The following RAP1GAP2 variants were observed in gnomAD, a reference collection of about 807,000 sequenced individuals.
RAP1GAP2 encodes the protein rap1 GTPase-activating protein 2.
Under a neutral mutation model 95.0 loss-of-function variants are expected in RAP1GAP2, and 27 were observed. That is an observed-to-expected ratio of 0.28 (90% CI 0.21 to 0.39). RAP1GAP2 has a LOEUF of 0.39. Among genes scored for constraint, RAP1GAP2 ranks in the 10% least tolerant of loss-of-function variants. RAP1GAP2 has a pLI of 1.00. For synonymous variants in RAP1GAP2, 373 were observed against 380.9 expected (o/e 0.98, Z 0.24); for missense variants, 771 against 970.0 (o/e 0.79, Z 2.72).
Position 2,963,202 on chromosome 17 carries a change from T to A in RAP1GAP2, c.247-228T>A. The A allele has an allele frequency of 1.6e-6, 1 of 614,996 alleles. No homozygotes were observed. The highest frequency in any genetic ancestry group is 2.8e-5 in the East Asian group (1 of 35,636). The allele number at this position is 614,996 out of a possible 1,614,324, so 38.1% of individuals were successfully genotyped here. On this transcript the variant is annotated intron_variant, in intron 5 of 24. Transcript: ENST00000254695. This position sits in a 1 kb window ranked among gnomAD's most constrained non-coding sequence, Gnocchi z 4.8. The stretch of plus-strand genomic sequence containing the variant: ...ACGAGGGGTGAGAAGTTCAGCACCT[T>A]CGGACACTGCATCATCAGCTGGCAG...
intron 2 of RAP1GAP2, among the ~76,000 whole-genome samples, chr17:2,880,804 A>G (rs1175846019): frequency 1.3e-5 from 2 of 152,124 alleles, no homozygotes; most frequent in African/African-American, 4.8e-5. Flanking sequence ...TTAGTGGTTC[A>G]ACATCCCTAC....
At chr17:2,819,727 C>T (rs1020875879) in intron 2 of RAP1GAP2, among the ~76,000 whole-genome samples, 3 of 151,966 alleles carry the variant, frequency 2.0e-5, no homozygotes, top group Non-Finnish European at 4.4e-5. Flanking sequence ...CTCGGCCTCC[C>T]AAAGTGCTGG....
intron 18 of RAP1GAP2, among the ~76,000 whole-genome samples, chr17:3,019,047 G>A (rs1412220837): frequency 1.3e-5 from 2 of 152,092 alleles, no homozygotes; most frequent in Non-Finnish European, 2.9e-5. Context: ...GGGTGACAGC[G>A]AGACTGTCTC....
chr17:2,836,891 ACT>A (rs941458713), intron 2 of RAP1GAP2, among the ~76,000 whole-genome samples: 40 of 152,046 alleles, frequency 2.6e-4, no homozygotes, highest in African/African-American at 8.7e-4. Flanking sequence ...TTTGGTGTTC[ACT>A]CTGTTTGGAC....
chr17:2,897,142 GC>G (rs2041859901), intron 2 of RAP1GAP2, among the ~76,000 whole-genome samples: 1 of 152,212 alleles, frequency 6.6e-6, no homozygotes, highest in African/African-American at 2.4e-5. Flanking sequence ...TTCGAGACCA[GC>G]CTGGCCAACA....
chr17:2,878,507 C>T (rs868032746), intron 2 of RAP1GAP2, among the ~76,000 whole-genome samples: 3 of 152,114 alleles, frequency 2.0e-5, no homozygotes, highest in Admixed American at 1.3e-4. Flanking sequence ...AGGTGCATCA[C>T]CTAGGCAAGG....
At chr17:2,962,944 G>T (rs564618883) in intron 5 of RAP1GAP2, 124 of 532,002 alleles carry the variant, frequency 2.3e-4, no homozygotes, top group African/African-American at 2.1e-3. Flanking sequence ...GGGGGTGGAG[G>T]CCTCGGTGGG....
intron 2 of RAP1GAP2, among the ~76,000 whole-genome samples, chr17:2,845,422 C>A (rs2071542359): frequency 6.6e-6 from 1 of 152,012 alleles, no homozygotes; most frequent in Non-Finnish European, 1.5e-5. Context: ...GGATTACAGG[C>A]ATGTAAATGC....
intron 1 of RAP1GAP2, among the ~76,000 whole-genome samples, chr17:2,764,136 A>T (rs2068234797): frequency 6.6e-6 from 1 of 152,222 alleles, no homozygotes; most frequent in Non-Finnish European, 1.5e-5. Flanking sequence ...TTACCTTTTA[A>T]AAAATATAAA....
chr17:2,933,187 C>T (rs2043210283), intron 3 of RAP1GAP2, among the ~76,000 whole-genome samples: 2 of 152,332 alleles, frequency 1.3e-5, no homozygotes, highest in East Asian at 1.9e-4. Flanking sequence ...AGTTGGAAAG[C>T]GCCTGGTGTA....
In RAP1GAP2 at chr17:2,867,102, T is replaced by C. The variant is rs999282711; in HGVS notation, c.81-38182T>C. 1.3e-5 allele frequency among the ~76,000 whole-genome samples: 2 copies of C among 150,382 alleles called. No homozygotes were observed. Among genetic ancestry groups the C allele is most frequent in the African/African-American group, 4.9e-5 (2 of 40,762 alleles). ...TTGTAGTAGAGACGGGGTTTCACCA[T>C]GTTGGCCAGGCTGGTCTCGAACTCC... On this transcript the variant is annotated intron_variant, in intron 2 of 24. Coordinates refer to ENST00000254695, the MANE Select transcript of RAP1GAP2 (RefSeq NM_015085.5). The surrounding 1 kb of genome is among the most constrained non-coding windows in gnomAD (Gnocchi z 4.5).
chr17:2,872,609 A>G (rs1324796820), intron 2 of RAP1GAP2, among the ~76,000 whole-genome samples: 1 of 151,780 alleles, frequency 6.6e-6, no homozygotes, highest in African/African-American at 2.4e-5. Context: ...CCTTTTCTTC[A>G]TGGCTTCCTT....
chr17:2,768,665 C>G (rs2068322685), intron 1 of RAP1GAP2, among the ~76,000 whole-genome samples: 1 of 135,916 alleles, frequency 7.4e-6, no homozygotes, highest in Non-Finnish European at 1.5e-5. Flanking sequence ...GCACTCTAGG[C>G]TGGGCAACAA....
chr17:2,813,697 C>T (rs558354160), intron 2 of RAP1GAP2, among the ~76,000 whole-genome samples: 1 of 152,192 alleles, frequency 6.6e-6, no homozygotes, highest in East Asian at 1.9e-4. Context: ...CATGGTGGCT[C>T]ACAAATCCCA....
In RAP1GAP2 at chr17:2,956,887, G is replaced by A. The variant is rs139467250; in HGVS notation, c.166-872G>A. Among the ~76,000 whole-genome samples the A allele has an allele frequency of 9.1e-3, 1,382 of 152,294 alleles. 13 individuals are homozygous for A. Among genetic ancestry groups the A allele is most frequent in the Non-Finnish European group, 0.012 (821 of 68,012 alleles). ...CTCACGCCTGTAATCCCAGCACTTT[G>A]GGAGGCCAAGGCGGGAGGATCACAA... On this transcript the variant is annotated intron_variant, in intron 3 of 24. Transcript: ENST00000254695.
At chr17:3,001,884 C>A (rs1041693839) in intron 14 of RAP1GAP2, among the ~76,000 whole-genome samples, 2 of 151,974 alleles carry the variant, frequency 1.3e-5, no homozygotes, top group Non-Finnish European at 2.9e-5. Flanking sequence ...GTGGTGCACT[C>A]ATACAGAGAA....
intron 2 of RAP1GAP2, among the ~76,000 whole-genome samples, chr17:2,880,400 G>A (rs1291604795): frequency 2.6e-5 from 4 of 151,872 alleles, no homozygotes; most frequent in Admixed American, 6.6e-5. Context: ...GGTCATGGGA[G>A]CCATGGAAGG....
chr17:2,951,771 C>A (rs931821428), intron 3 of RAP1GAP2, among the ~76,000 whole-genome samples: 1 of 152,034 alleles, frequency 6.6e-6, no homozygotes, highest in Non-Finnish European at 1.5e-5. Context: ...CAGTGGCTCA[C>A]GCCTGTAATC....
intron 3 of RAP1GAP2, among the ~76,000 whole-genome samples, chr17:2,915,045 C>G (rs1038868503): frequency 6.6e-6 from 1 of 151,626 alleles, no homozygotes; most frequent in Non-Finnish European, 1.5e-5. Flanking sequence ...CCGCCTCGGC[C>G]TCCCAAAGTG....
Sources: gnomAD v4.1 joint callset for allele counts (sites outside exome capture counted in the v4.1 genomes callset) on GRCh38, gnomAD v4.1.1 for gene constraint, Gnocchi (gnomAD v3.1) non-coding constraint, MANE v1.5 for transcripts, NCBI Gene and HGNC (gene_info 2026-07-23, HGNC 2026-07-21) for gene names.